DDX55: variants seen among roughly 807,000 people sequenced by gnomAD.
DDX55 encodes ATP-dependent RNA helicase DDX55.
A neutral mutation model predicts 69.2 loss-of-function variants in DDX55; 56 were observed. The observed-to-expected ratio is 0.81, with a 90% CI of 0.65 to 1.01. The LOEUF (loss-of-function observed/expected upper bound fraction) is 1.01. Ranked by LOEUF, DDX55 falls within the 50% of genes least tolerant of loss-of-function variation. DDX55 has a pLI of 0.00. For synonymous variants in DDX55, 268 were observed against 273.1 expected (o/e 0.98, Z 0.18); for missense variants, 720 against 745.1 (o/e 0.97, Z 0.39).
At chr12:123,609,581 C>T (rs113147434) in intron 6 of DDX55, among the ~76,000 whole-genome samples, 2,988 of 151,872 alleles carry the variant, frequency 0.02, 81 homozygotes, top group African/African-American at 0.064. Context: ...TTATGTTGCC[C>T]AGGTTGGTCT....
intron 6 of DDX55, among the ~76,000 whole-genome samples, chr12:123,609,696 G>A (rs1311642436): frequency 6.6e-6 from 1 of 152,112 alleles, no homozygotes; most frequent in Non-Finnish European, 1.5e-5. Flanking sequence ...TTAATAAACA[G>A]CTTTATGGGA....
chr12:123,605,112 C>T (rs529075361), intron 1 of DDX55: 8 of 152,478 alleles, frequency 5.2e-5, no homozygotes, highest in Non-Finnish European at 1.0e-4. Flanking sequence ...CTCGACCTCC[C>T]TGGGCCTAGG....
chr12:123,619,351 A>G, intron 12 of DDX55, 81 bp from the exon 13 acceptor site: 1 of 1,515,208 alleles, frequency 6.6e-7, no homozygotes, highest in Non-Finnish European at 8.8e-7. Context: ...CCCTTTGGTT[A>G]GAAAAAAATT....
chr12:123,618,546 G>C, intron 11 of DDX55, 123 bp from the exon 12 acceptor site: 2 of 1,537,440 alleles, frequency 1.3e-6, no homozygotes, highest in Middle Eastern at 1.7e-4. Flanking sequence ...TTGGAGTTGG[G>C]CTTCAGACCT....
chr12:123,611,306 C>T (rs1479107386), intron 7 of DDX55, among the ~76,000 whole-genome samples: 15 of 152,230 alleles, frequency 9.9e-5, no homozygotes, highest in Non-Finnish European at 8.8e-5. Flanking sequence ...AATGAGGCCA[C>T]TCCTCACCCC....
Position 123,620,580 on chromosome 12 carries a change from T to TTTATA in DDX55, c.*441_*442insTATAT, listed in dbSNP as rs1491406627. On this transcript the variant is annotated 3_prime_UTR_variant, in exon 14 of 14. Coordinates refer to ENST00000238146, the MANE Select transcript of DDX55 (RefSeq NM_020936.3). ...GGTCACATATAGACATATGTACATA[T>TTTATA]TATATATATATATATATATATATAT... 6.1e-5 allele frequency: 4 copies of TTTATA among 65,360 alleles called. No individual in the cohort carries two copies. The Admixed American group carries it at 7.8e-4, about 13-fold the overall frequency. The allele number at this position is 65,360 out of a possible 1,614,324, so 4.0% of individuals were successfully genotyped here.
intron 8 of DDX55, among the ~76,000 whole-genome samples, chr12:123,614,930 C>T (rs1391485901): frequency 6.6e-6 from 1 of 152,156 alleles, no homozygotes; most frequent in Admixed American, 6.5e-5. Flanking sequence ...CATCTTTAGA[C>T]AGTAAAATAT....
intron 8 of DDX55, among the ~76,000 whole-genome samples, chr12:123,614,460 C>T (rs1208341818): frequency 1.3e-5 from 2 of 152,158 alleles, no homozygotes; most frequent in African/African-American, 4.8e-5. Context: ...AGTTTTAGTT[C>T]CCTCATCTGC....
intron 11 of DDX55, chr12:123,618,109 C>G (rs59126974): frequency 3.6e-5 from 16 of 447,288 alleles, no homozygotes; most frequent in Non-Finnish European, 5.3e-5. Flanking sequence ...CTCCACCTCC[C>G]GGGTTCAATG....
intron 12 of DDX55, 88 bp from the exon 13 acceptor site, chr12:123,619,338 AAACCCT>A: frequency 6.6e-7 from 1 of 1,504,098 alleles, no homozygotes; most frequent in South Asian, 1.4e-5. Context: ...TGAATGCATT[AAACCCT>A]TTGGTTAGAA....
Position 123,605,969 on chromosome 12 carries a change from C to A in DDX55, c.147C>A (p.Val49=). ...CTCTGTTCATGCGAAACAAAGATGT[C>A]GCTGCAGAAGCGGTGAGTGCCTCGG... The part of the protein sequence containing the change: ...TIPLFMRNKD[V]AAEAVTGSGK... The change falls in exon 2 of 14, where the codon GTC becomes GTA. Residue 49 remains valine (V), a synonymous_variant. Transcript: ENST00000238146. 1 of 1,614,120 alleles carries A rather than the reference C, an allele frequency of 6.2e-7. No homozygotes were observed. Among genetic ancestry groups the A allele is most frequent in the Non-Finnish European group, 8.5e-7 (1 of 1,180,022 alleles).
intron 6 of DDX55, 127 bp from the exon 7 acceptor site, chr12:123,609,812 G>A (rs1264609394): frequency 1.8e-6 from 2 of 1,104,830 alleles, no homozygotes; most frequent in African/African-American, 3.2e-5. Context: ...ACCTCCCAGT[G>A]TATGTGCTAT....
At chr12:123,610,660 G>GGA (rs1354114927) in intron 7 of DDX55, among the ~76,000 whole-genome samples, 1 of 136,694 alleles carries the variant, frequency 7.3e-6, no homozygotes, top group Non-Finnish European at 1.5e-5. Flanking sequence ...CGCCCAGGCT[G>GGA]GAGTGCAGTG....
intron 9 of DDX55, 145 bp downstream of exon 9, chr12:123,615,461 A>G: frequency 8.1e-7 from 1 of 1,236,082 alleles, no homozygotes; most frequent in South Asian, 1.5e-5. Context: ...TCTGGTTATC[A>G]CATCTCTGTA....
intron 11 of DDX55, chr12:123,618,169 A>G (rs1239925716): frequency 2.6e-6 from 1 of 391,384 alleles, no homozygotes; most frequent in Non-Finnish European, 4.9e-6. Flanking sequence ...GGCATGCGCC[A>G]CCCCAGCTAA....
Position 123,602,260 on chromosome 12 carries a change from T to C in DDX55, c.108+4T>C, listed in dbSNP as rs542112230. On this transcript the variant is annotated splice_donor_region_variant and intron_variant, in intron 1 of 13. Coordinates refer to ENST00000238146, the MANE Select transcript of DDX55 (RefSeq NM_020936.3). ...CCCGTACATGACGCCGGTGCAGGTA[T>C]CGGTTCCCTGGCGTGGGGGAGTGAG... The C allele has an allele frequency of 2.7e-5, 42 of 1,554,048 alleles. 1 individual carries two copies. The highest frequency in any genetic ancestry group is 2.2e-4 in the South Asian group (19 of 84,896).
rs369679658 is a variant in DDX55 at position 123,613,181 on chromosome 12, A to G, written c.753A>G (p.Ala251=). The G allele has an allele frequency of 1.9e-6, 3 of 1,614,076 alleles. No homozygotes were observed. The African/African-American group carries it at 4.0e-5, about 22-fold the overall frequency. ...TTTTTATTTTGCAGGTATGCAAGGC[A>G]GATGAGAAATTTAATCAGCTGGTCC... ...RLENYYMVCK[A]DEKFNQLVHF... The change falls in exon 8 of 14, where the codon GCA becomes GCG. Residue 251 remains alanine, a synonymous_variant. Transcript: ENST00000238146.
At position 123,602,192 on chromosome 12, in the gene DDX55, C is replaced by T. The variant is rs1311282666; in HGVS notation, c.44C>T (p.Pro15Leu). Reference sequence around the variant, plus strand: ...GGCTCCTGGGAGTCGCTGCCTGTGCCGCTGCACCCGCAGGTGCTGGGCGCG... The same window carrying T: ...GGCTCCTGGGAGTCGCTGCCTGTGCTGCTGCACCCGCAGGTGCTGGGCGCG... ...TEGSWESLPV[P>L]LHPQVLGALR... Residue 15 changes from proline to leucine, a missense_variant, in exon 1 of 14, where the codon CCG (proline) becomes CTG (leucine). Physicochemically the swap from Pro to Leu is moderately conservative, Grantham distance 98. Transcript: ENST00000238146. 2.5e-6 allele frequency: 4 copies of T among 1,571,198 alleles called. No homozygotes were observed. The highest frequency in any genetic ancestry group is 1.3e-5 in the African/African-American group (1 of 74,118).
intron 1 of DDX55, among the ~76,000 whole-genome samples, chr12:123,603,398 T>G (rs1216108785): frequency 6.7e-6 from 1 of 149,414 alleles, no homozygotes. Context: ...TATTCTTTTT[T>G]TTTTTTTTTT....
Sources: gnomAD v4.1 joint callset for allele counts (sites outside exome capture counted in the v4.1 genomes callset) on GRCh38, gnomAD v4.1.1 for gene constraint, MANE v1.5 for transcripts, NCBI Gene and HGNC (gene_info 2026-07-23, HGNC 2026-07-21) for gene names.